Variants in TTC5 observed in about 807,000 individuals in gnomAD.
The protein encoded by TTC5 is tetratricopeptide repeat protein 5.
Under a neutral mutation model 57.4 loss-of-function variants are expected in TTC5, and 46 were observed. The observed-to-expected ratio is 0.80, with a 90% CI of 0.63 to 1.03. The LOEUF is 1.03. Among genes scored for constraint, TTC5 ranks in the 50% least tolerant of loss-of-function variants. The pLI is 0.00. For synonymous variants in TTC5, 190 were observed against 203.5 expected (o/e 0.93, Z 0.57); for missense variants, 504 against 528.1 (o/e 0.95, Z 0.45).
In TTC5 at chr14:20,295,380, C is replaced by T. The variant is rs1253377726; in HGVS notation, c.990G>A (p.Gly330=). 1 of 1,614,184 alleles carries T rather than the reference C, an allele frequency of 6.2e-7. No individual in the cohort carries two copies. The highest frequency in any genetic ancestry group is 1.1e-5 in the South Asian group (1 of 91,082). ...CCAGGATGACGGCACCGCTGTTCAC[C>T]CCAGGCTGAAGCGTACTCAGTGGCT... ...ELKPLSTLQP[G]VNSGAVILGK... is the part of the protein sequence containing the mutation. The change falls in exon 8 of 10, where the codon GGG becomes GGA. Residue 330 remains glycine, a synonymous_variant. Transcript: ENST00000258821.
Position 20,292,077 on chromosome 14 carries a change from T to C in TTC5, c.1109A>G (p.Tyr370Cys). ...CACTCCCCAGCTCTGCACTATATTG[T>C]ACACCATCACTGCATAGCAAGGTCC... ...SDGPCYAVMV[Y>C]NIVQSWGVLI... The change falls in exon 9 of 10, where the codon TAC becomes TGC. Residue 370 changes from tyrosine (Y) to cysteine (C), a missense_variant. Coordinates refer to ENST00000258821, the MANE Select transcript of TTC5 (RefSeq NM_138376.3). The C allele has an allele frequency of 6.3e-7, 1 of 1,597,606 alleles. No homozygotes were observed. Among genetic ancestry groups the C allele is most frequent in the South Asian group, 1.1e-5 (1 of 88,610 alleles).
intron 9 of TTC5, among the ~76,000 whole-genome samples, chr14:20,291,681 T>C (rs977399084): frequency 1.3e-5 from 2 of 152,186 alleles, no homozygotes; most frequent in Non-Finnish European, 2.9e-5. Context: ...TATATGTGTA[T>C]ATATTTGTGA....
At chr14:20,302,576 A>AT (rs1328781404) in intron 1 of TTC5, among the ~76,000 whole-genome samples, 3 of 152,246 alleles carry the variant, frequency 2.0e-5, no homozygotes, top group Non-Finnish European at 4.4e-5. Context: ...GTTTAGTTTG[A>AT]TTTTTTTGTC....
chr14:20,295,025 T>C (rs1882031186), intron 8 of TTC5: 1 of 342,662 alleles, frequency 2.9e-6, no homozygotes, highest in Admixed American at 4.0e-5. Context: ...GAGGTTTCTG[T>C]CTTATAAAAA....
At chr14:20,298,527 C>G (rs1882111886) in intron 5 of TTC5, among the ~76,000 whole-genome samples, 1 of 152,132 alleles carries the variant, frequency 6.6e-6, no homozygotes, top group Non-Finnish European at 1.5e-5. Context: ...TGAGGCAGCT[C>G]TGTGATTTGG....
chr14:20,292,308 TAAAC>T (rs1428989024), intron 8 of TTC5, 181 bp from the exon 9 acceptor site: 2 of 370,010 alleles, frequency 5.4e-6, no homozygotes, highest in African/African-American at 2.1e-5. Flanking sequence ...ACTAACAAAA[TAAAC>T]AAATGCTTTT....
In TTC5 at chr14:20,295,816, C is replaced by T. The variant is rs1270253633; in HGVS notation, c.735G>A (p.Glu245=). 1 of 1,599,614 alleles carries T rather than the reference C, an allele frequency of 6.3e-7. No homozygotes were observed. Among genetic ancestry groups the T allele is most frequent in the East Asian group, 2.2e-5 (1 of 44,828 alleles). The change falls in exon 7 of 10, where the codon GAG becomes GAA. Residue 245 remains glutamate (E), a synonymous_variant. Coordinates refer to ENST00000258821, the MANE Select transcript of TTC5 (RefSeq NM_138376.3). ...KYEESYGEAL[E]GFSRAAALDP... is the part of the protein sequence containing the mutation. Reference sequence around the variant, plus strand: ...CCAGGGCTGCAGCCCGAGAGAAGCCCTCCAGGGCCTCCCCATAACTCTCTT... The same window carrying T: ...CCAGGGCTGCAGCCCGAGAGAAGCCTTCCAGGGCCTCCCCATAACTCTCTT...
intron 4 of TTC5, 82 bp from the exon 5 acceptor site, chr14:20,298,970 T>A (rs1475561145): frequency 8.8e-7 from 1 of 1,137,212 alleles, no homozygotes; most frequent in Non-Finnish European, 1.3e-6. Flanking sequence ...GAAAGTATAT[T>A]TGAAAGGTCC....
intron 5 of TTC5, among the ~76,000 whole-genome samples, chr14:20,298,419 GAAGTAT>G (rs1329240725): frequency 6.6e-6 from 1 of 152,070 alleles, no homozygotes; most frequent in Admixed American, 6.5e-5. Context: ...AATTTACACT[GAAGTAT>G]AAGTTTTCAT....
chr14:20,295,091 C>T lies in TTC5; in HGVS notation c.1058+221G>A, dbSNP rs1049053931. ...ATAGGAATCCACATAGCACCAAACT[C>T]AGGGATACAAAATGGGCAGTGACAG... On this transcript the variant is annotated intron_variant, in intron 8 of 9. Transcript: ENST00000258821. 9.0e-6 allele frequency: 5 copies of T among 557,420 alleles called. No homozygotes were observed. In the Admixed American group the frequency reaches 1.5e-4, roughly 17 times the overall value. 34.5% of individuals were successfully genotyped at this position (557,420 alleles called of 1,614,324 possible). A position where few individuals can be genotyped will look rare whatever the true frequency, so the allele number is the denominator to read the frequency against.
chr14:20,296,357 G>C, intron 6 of TTC5, 33 bp downstream of exon 6: 1 of 1,558,710 alleles, frequency 6.4e-7, no homozygotes, highest in Non-Finnish European at 8.9e-7. Context: ...TTATTTATTT[G>C]ACCCTCAGAT....
rs991227048 is a variant in TTC5 at position 20,286,784 on chromosome 14, G to A, written c.*2843C>T. On this transcript the variant is annotated 3_prime_UTR_variant, in exon 10 of 10. Transcript: ENST00000258821. ...AGGATAAAACTGTATGTAGACAAAC[G>A]ATTAGTACAGGGAATATATAAATCA... 1 of 150,898 alleles carries A rather than the reference G, an allele frequency of 6.6e-6. No individual in the cohort carries two copies. The highest frequency in any genetic ancestry group is 6.6e-5 in the Admixed American group (1 of 15,120). The allele number at this position is 150,898 out of a possible 1,614,324, so 9.3% of individuals were successfully genotyped here.
At chr14:20,297,772 CAAA>C (rs759779512) in intron 5 of TTC5, among the ~76,000 whole-genome samples, 2 of 119,412 alleles carry the variant, frequency 1.7e-5, no homozygotes, top group Non-Finnish European at 1.8e-5. Flanking sequence ...GACTCCGTCT[CAAA>C]AAAAAAAAAA....
chr14:20,299,370 G>A lies in TTC5; in HGVS notation c.475C>T (p.His159Tyr). 5 of 1,614,116 alleles carry A rather than the reference G, an allele frequency of 3.1e-6. No homozygotes were observed. The highest frequency in any genetic ancestry group is 4.2e-6 in the Non-Finnish European group (5 of 1,180,004). ...TGTCGGACACTGTCCATGACATGGT[G>A]AGAATGTTCATCTTCAGTGTCAGTC... Reference protein sequence around the residue: ...LRTDTEDEHSHHVMDSVRQAK... With the variant: ...LRTDTEDEHSYHVMDSVRQAK... The change falls in exon 4 of 10, where the codon CAC becomes TAC. Residue 159 changes from histidine to tyrosine, a missense_variant. By Grantham distance (83) the His-to-Tyr change is moderately conservative. Transcript: ENST00000258821.
intron 8 of TTC5, chr14:20,293,246 C>T (rs1307151788): frequency 6.6e-6 from 1 of 152,150 alleles, no homozygotes; most frequent in East Asian, 1.9e-4. Flanking sequence ...CACAAATGTT[C>T]AATGTAAAAC....
Position 20,295,278 on chromosome 14 carries a change from A to G in TTC5, c.1058+34T>C, listed in dbSNP as rs762890715. 5.6e-6 allele frequency: 9 copies of G among 1,599,850 alleles called. No homozygotes were observed. In the African/African-American group the frequency reaches 1.2e-4, roughly 21 times the overall value. ...AGGAAGTGAGAGCAATTAGTTCAAA[A>G]GGGTAAAATGGGGGAAATCCAAGAG... On this transcript the variant is annotated intron_variant, in intron 8 of 9. Transcript: ENST00000258821.
In TTC5 at chr14:20,286,238, T is replaced by A. The variant is rs1881834936; in HGVS notation, c.*3389A>T. 2 of 152,120 alleles carry A rather than the reference T, an allele frequency of 1.3e-5. No homozygotes were observed. Among genetic ancestry groups the A allele is most frequent in the Admixed American group, 1.3e-4 (2 of 15,266 alleles). 9.4% of individuals were successfully genotyped at this position (152,120 alleles called of 1,614,324 possible). On this transcript the variant is annotated 3_prime_UTR_variant, in exon 10 of 10. Transcript: ENST00000258821. ...ATGAAAAAGCAAGCTGCGATTTGGATAAATATATTTGAAAAACATAATTTA... is the reference window on the plus strand; with the variant it reads ...ATGAAAAAGCAAGCTGCGATTTGGAAAAATATATTTGAAAAACATAATTTA...
At position 20,286,413 on chromosome 14, in the gene TTC5, T is replaced by C. The variant is rs1881838961; in HGVS notation, c.*3214A>G. ...CCTACTATGTGATATTTTATAATCA[T>C]CTGGTTGGTAAAAATTAAAAAGCTA... On this transcript the variant is annotated 3_prime_UTR_variant, in exon 10 of 10. Coordinates refer to ENST00000258821, the MANE Select transcript of TTC5 (RefSeq NM_138376.3). 6.6e-6 allele frequency: 1 copy of C among 152,032 alleles called. No individual in the cohort carries two copies. The highest frequency in any genetic ancestry group is 6.5e-5 in the Admixed American group (1 of 15,270). 9.4% of individuals were successfully genotyped at this position (152,032 alleles called of 1,614,324 possible). A position where few individuals can be genotyped will look rare whatever the true frequency, so the allele number is the denominator to read the frequency against.
chr14:20,295,069 G>T, intron 8 of TTC5: 1 of 505,412 alleles, frequency 2.0e-6, no homozygotes, highest in Non-Finnish European at 3.6e-6. Flanking sequence ...TATGGATATA[G>T]GAATCCACAT....
Sources: gnomAD v4.1 joint callset for allele counts (sites outside exome capture counted in the v4.1 genomes callset) on GRCh38, gnomAD v4.1.1 for gene constraint, MANE v1.5 for transcripts, NCBI Gene and HGNC (gene_info 2026-07-23, HGNC 2026-07-21) for gene names.